Variants in SPAG16 observed in about 807,000 individuals in gnomAD.
SPAG16 encodes the protein sperm-associated antigen 16 protein.
In SPAG16, 86 loss-of-function variants were observed where a neutral mutation model predicts 80.4. The observed-to-expected ratio is 1.07, with a 90% CI of 0.90 to 1.28. SPAG16 has a LOEUF of 1.28. Among genes scored for constraint, SPAG16 ranks in the 50% most tolerant of loss-of-function variants. The pLI is 0.00. For synonymous variants in SPAG16, 294 were observed against 265.9 expected (o/e 1.11, Z -1.03); for missense variants, 870 against 765.3 (o/e 1.14, Z -1.61).
At chr2:213,793,800 C>A (rs2070851719) in intron 10 of SPAG16, among the ~76,000 whole-genome samples, 1 of 152,054 alleles carries the variant, frequency 6.6e-6, no homozygotes, top group Non-Finnish European at 1.5e-5. Flanking sequence ...TTTGGATATC[C>A]CAGAAGTCAT....
intron 12 of SPAG16, among the ~76,000 whole-genome samples, chr2:214,004,987 G>T (rs1322549720): frequency 6.6e-6 from 1 of 152,138 alleles, no homozygotes; most frequent in African/African-American, 2.4e-5. Flanking sequence ...TATGTAAATT[G>T]CTTAGAACAC....
chr2:214,040,164 T>C (rs111640030), intron 13 of SPAG16, among the ~76,000 whole-genome samples: 214 of 152,314 alleles, frequency 1.4e-3, no homozygotes, highest in South Asian at 3.9e-3. Context: ...ACCTCCAGAA[T>C]AATGGCTGGC....
chr2:213,838,247 C>T (rs1189463501), intron 10 of SPAG16, among the ~76,000 whole-genome samples: 4 of 152,180 alleles, frequency 2.6e-5, no homozygotes, highest in Non-Finnish European at 4.4e-5. Flanking sequence ...TCTTGACTCA[C>T]CGCAACCTCT....
intron 10 of SPAG16, among the ~76,000 whole-genome samples, chr2:213,710,846 G>A (rs1479353927): frequency 6.6e-6 from 1 of 152,162 alleles, no homozygotes; most frequent in African/African-American, 2.4e-5. Context: ...CTGATATAAT[G>A]TAATGTGGCC....
At chr2:214,041,116 G>A (rs62191935) in intron 13 of SPAG16, among the ~76,000 whole-genome samples, 17,268 of 149,340 alleles carry the variant, frequency 0.12, 1,429 homozygotes, top group East Asian at 0.45. Flanking sequence ...ATTCTTTCTT[G>A]GGTATCTCGT....
chr2:213,786,808 T>C (rs985256875), intron 10 of SPAG16, among the ~76,000 whole-genome samples: 27 of 152,132 alleles, frequency 1.8e-4, no homozygotes, highest in Admixed American at 1.8e-3. Flanking sequence ...TGTGTTCTAA[T>C]TACCTCATTG....
At chr2:213,911,765 T>C (rs1355261504) in intron 11 of SPAG16, among the ~76,000 whole-genome samples, 1 of 151,106 alleles carries the variant, frequency 6.6e-6, no homozygotes, top group African/African-American at 2.4e-5. Flanking sequence ...CCTCCATGTA[T>C]TGATGAAATT....
chr2:213,937,175 T>G (rs2079025419), intron 12 of SPAG16, among the ~76,000 whole-genome samples: 1 of 152,102 alleles, frequency 6.6e-6, no homozygotes. Context: ...TCCGTTAATA[T>G]ATTTTATGTT....
intron 15 of SPAG16, among the ~76,000 whole-genome samples, chr2:214,301,246 T>C (rs527504716): frequency 5.8e-4 from 88 of 151,392 alleles, no homozygotes; most frequent in African/African-American, 2.1e-3. Context: ...AGAAAAAGCA[T>C]TTGATAAAAT....
chr2:213,656,004 A>G (rs796442228), intron 10 of SPAG16, among the ~76,000 whole-genome samples: 79 of 152,262 alleles, frequency 5.2e-4, no homozygotes, highest in African/African-American at 1.8e-3. Flanking sequence ...TTACAGGGCA[A>G]TTGTTTTTGC....
chr2:213,705,887 A>G (rs963335011), intron 10 of SPAG16, among the ~76,000 whole-genome samples: 4 of 152,150 alleles, frequency 2.6e-5, no homozygotes, highest in African/African-American at 9.7e-5. Flanking sequence ...AATTTATGCA[A>G]ATCCCATATG....
At chr2:214,298,074 C>CTG (rs1553548633) in intron 15 of SPAG16, among the ~76,000 whole-genome samples, 1 of 137,040 alleles carries the variant, frequency 7.3e-6, no homozygotes, top group Non-Finnish European at 1.6e-5. Flanking sequence ...AGATGTATGC[C>CTG]TATATATATA....
intron 13 of SPAG16, among the ~76,000 whole-genome samples, chr2:214,096,689 C>T (rs913910104): frequency 2.0e-5 from 3 of 151,836 alleles, no homozygotes; most frequent in African/African-American, 7.3e-5. Flanking sequence ...AAAGCAGATC[C>T]GCAGTAAAAA....
chr2:213,970,997 A>G (rs2045017791), intron 12 of SPAG16, among the ~76,000 whole-genome samples: 1 of 152,166 alleles, frequency 6.6e-6, no homozygotes, highest in Non-Finnish European at 1.5e-5. Context: ...GATGGTAGTG[A>G]ATATAATATG....
At chr2:214,234,212 A>G (rs1559145303) in intron 15 of SPAG16, among the ~76,000 whole-genome samples, 1 of 152,210 alleles carries the variant, frequency 6.6e-6, no homozygotes, top group Non-Finnish European at 1.5e-5. Context: ...TGCAAAGGAC[A>G]TGATCTCATT....
chr2:213,906,323 T>A (rs890463603), intron 11 of SPAG16, among the ~76,000 whole-genome samples: 8 of 151,982 alleles, frequency 5.3e-5, no homozygotes, highest in African/African-American at 1.4e-4. Flanking sequence ...AGGTAAAAAA[T>A]TTTTACAATA....
intron 15 of SPAG16, among the ~76,000 whole-genome samples, chr2:214,348,463 T>C (rs1322731761): frequency 2.0e-5 from 3 of 152,196 alleles, no homozygotes; most frequent in Non-Finnish European, 4.4e-5. Flanking sequence ...CTTTGGTCAA[T>C]AGAGTATGAT....
chr2:214,060,742 C>T (rs1414847237), intron 13 of SPAG16, among the ~76,000 whole-genome samples: 2 of 151,936 alleles, frequency 1.3e-5, no homozygotes, highest in East Asian at 1.9e-4. Context: ...TTGCTTTTCT[C>T]GGGCATGGGA....
intron 15 of SPAG16, among the ~76,000 whole-genome samples, chr2:214,289,928 C>G (rs1030480147): frequency 7.2e-5 from 11 of 152,046 alleles, no homozygotes; most frequent in African/African-American, 1.7e-4. Flanking sequence ...GTAATGCTAG[C>G]CTCATAGAAT....
Sources: gnomAD v4.1 joint callset for allele counts (sites outside exome capture counted in the v4.1 genomes callset) on GRCh38, gnomAD v4.1.1 for gene constraint, MANE v1.5 for transcripts, NCBI Gene and HGNC (gene_info 2026-07-23, HGNC 2026-07-21) for gene names.